The following PEAK1 variants were observed in gnomAD, a reference collection of about 807,000 sequenced individuals.
PEAK1 encodes inactive tyrosine-protein kinase PEAK1.
A neutral mutation model predicts 124.7 loss-of-function variants in PEAK1; 54 were observed. The observed-to-expected ratio is 0.43, with a 90% CI of 0.35 to 0.54. PEAK1 has a LOEUF of 0.54. Ranked by LOEUF, PEAK1 falls within the 20% of genes least tolerant of loss-of-function variation. The pLI, the probability that PEAK1 is intolerant of heterozygous loss-of-function variation, is 0.01. For missense variants in PEAK1, 2,046 were observed against 2,134.5 expected (o/e 0.96, Z 0.82); for synonymous variants, 719 against 760.0 (o/e 0.95, Z 0.89).
intron 6 of PEAK1, among the ~76,000 whole-genome samples, chr15:77,186,604 C>G (rs918117864): frequency 6.6e-6 from 1 of 151,798 alleles, no homozygotes; most frequent in African/African-American, 2.4e-5. Context: ...GCACATGTAC[C>G]CTAAAACTTA....
At chr15:77,300,954 T>C (rs998511139) in intron 2 of PEAK1, among the ~76,000 whole-genome samples, 4 of 152,070 alleles carry the variant, frequency 2.6e-5, no homozygotes, top group African/African-American at 9.7e-5. Context: ...CAGGTTCAAG[T>C]GATTCTCCTG....
At chr15:77,259,988 C>T (rs1018732343) in intron 5 of PEAK1, among the ~76,000 whole-genome samples, 3 of 152,146 alleles carry the variant, frequency 2.0e-5, no homozygotes, top group African/African-American at 7.2e-5. Flanking sequence ...AAAAACGTTA[C>T]ATTAAGAAGG....
At chr15:77,291,281 AT>A (rs1464124038) in intron 2 of PEAK1, among the ~76,000 whole-genome samples, 4 of 152,220 alleles carry the variant, frequency 2.6e-5, no homozygotes, top group Non-Finnish European at 4.4e-5. Flanking sequence ...ATGAACCAAC[AT>A]TTGTGAATGA....
intron 6 of PEAK1, among the ~76,000 whole-genome samples, chr15:77,210,031 C>G (rs2058832512): frequency 6.6e-6 from 1 of 152,158 alleles, no homozygotes. Flanking sequence ...TTACTTATGT[C>G]TTTGAACTTT....
chr15:77,403,164 G>GA, intron 1 of PEAK1: 1 of 985,292 alleles, frequency 1.0e-6, no homozygotes, highest in Non-Finnish European at 1.2e-6. Flanking sequence ...CTGCTACTTT[G>GA]CCTGTATCAT....
chr15:77,180,825 C>A lies in PEAK1; in HGVS notation c.1102G>T (p.Gly368Ter). ...SSLSQKICNG[G>*]LSPGNPGDSK... ...TCTCCTGGGTTACCAGGAGATAATC[C>A]CCCATTACAAATCTTCTGGGATAAA... The change falls in exon 7 of 10, where the codon GGA (glycine) becomes TGA (stop). Residue 368 changes from glycine to a stop codon, truncating the protein, a stop_gained. Transcript: ENST00000682557. LOFTEE classifies it high-confidence loss of function. 6.2e-7 allele frequency: 1 copy of A among 1,613,860 alleles called. No individual in the cohort carries two copies. Among genetic ancestry groups the A allele is most frequent in the Non-Finnish European group, 8.5e-7 (1 of 1,179,922 alleles).
At chr15:77,121,569 C>T (rs1379864699) in intron 9 of PEAK1, among the ~76,000 whole-genome samples, 1 of 152,178 alleles carries the variant, frequency 6.6e-6, no homozygotes, top group Non-Finnish European at 1.5e-5. Flanking sequence ...TGGGGGCTTG[C>T]TGATTTTGTA....
At chr15:77,271,963 A>G (rs2062059838) in intron 5 of PEAK1, among the ~76,000 whole-genome samples, 1 of 152,198 alleles carries the variant, frequency 6.6e-6, no homozygotes, top group Non-Finnish European at 1.5e-5. Context: ...TCCAAAAGGA[A>G]CCTTCAAAAC....
chr15:77,175,654 G>A (rs1278398083), intron 7 of PEAK1, among the ~76,000 whole-genome samples: 5 of 152,144 alleles, frequency 3.3e-5, no homozygotes, highest in African/African-American at 1.2e-4. Flanking sequence ...CACTGTTGGT[G>A]GGACTGTAAA....
rs773973989 is a variant in PEAK1, at chr15:77,181,430, C to T, written c.497G>A (p.Arg166Lys). ...IAGLDTAPQI[R>K]GNETNSRETF... ...TTCTCTGGAGTTTGTTTCATTTCCT[C>T]TTATCTGAGGGGCAGTATCCAAGCC... Residue 166 changes from arginine (R) to lysine (K), a missense_variant, in exon 7 of 10, where the codon AGA becomes AAA. Physicochemically the swap from Arg to Lys is conservative, Grantham distance 26. Coordinates refer to ENST00000682557, the MANE Select transcript of PEAK1 (RefSeq NM_001385026.1). 1 of 1,614,140 alleles carries T rather than the reference C, an allele frequency of 6.2e-7. No homozygotes were observed. The highest frequency in any genetic ancestry group is 8.5e-7 in the Non-Finnish European group (1 of 1,180,016).
intron 1 of PEAK1, among the ~76,000 whole-genome samples, chr15:77,396,488 T>TA (rs36009153): frequency 6.6e-6 from 1 of 151,498 alleles, no homozygotes; most frequent in Non-Finnish European, 1.5e-5. Context: ...AGAAAGGATT[T>TA]AAAAAAAACC....
At chr15:77,293,784 T>C (rs2063346891) in intron 2 of PEAK1, among the ~76,000 whole-genome samples, 1 of 152,174 alleles carries the variant, frequency 6.6e-6, no homozygotes, top group Admixed American at 6.6e-5. Context: ...TATAAGGAAG[T>C]AAAAAATATA....
chr15:77,179,925 T>C lies in PEAK1; in HGVS notation c.2002A>G (p.Ile668Val). The C allele has an allele frequency of 3.1e-6, 5 of 1,614,200 alleles. No homozygotes were observed. The highest frequency in any genetic ancestry group is 4.2e-6 in the Non-Finnish European group (5 of 1,180,012). Residue 668 changes from isoleucine (I) to valine (V), a missense_variant, in exon 7 of 10, where the codon ATA (isoleucine) becomes GTA (valine). By Grantham distance (29) the Ile-to-Val change is conservative. Coordinates refer to ENST00000682557, the MANE Select transcript of PEAK1 (RefSeq NM_001385026.1). Reference sequence around the variant, plus strand: ...TCAGGCACTTTGCTTTCTGTTTCTATTTCTTCATAAGTATGGCTTATTACA... The same window carrying C: ...TCAGGCACTTTGCTTTCTGTTTCTACTTCTTCATAAGTATGGCTTATTACA... Reference protein sequence around the residue: ...TSVISHTYEEIETESKVPDNT... With the variant: ...TSVISHTYEEVETESKVPDNT...
At chr15:77,121,114 T>C (rs923707453) in intron 9 of PEAK1, among the ~76,000 whole-genome samples, 8 of 152,160 alleles carry the variant, frequency 5.3e-5, no homozygotes, top group Non-Finnish European at 8.8e-5. Flanking sequence ...AGGGGGTACA[T>C]GTGCAGGTTT....
intron 6 of PEAK1, among the ~76,000 whole-genome samples, chr15:77,183,703 C>T (rs2057396827): frequency 6.6e-6 from 1 of 151,154 alleles, no homozygotes; most frequent in Admixed American, 6.6e-5. Flanking sequence ...TTATGTGAAA[C>T]ATTCATATCT....
At position 77,224,613 on chromosome 15, in the gene PEAK1, G is replaced by A. The variant is rs140658708; in HGVS notation, c.-115+27754C>T. Reference sequence around the variant, plus strand: ...AACTCCTATAGAGACACTTCCTACAGAGATAAGCCAATATTTCCTGTTGTG... The same window carrying A: ...AACTCCTATAGAGACACTTCCTACAAAGATAAGCCAATATTTCCTGTTGTG... On this transcript the variant is annotated intron_variant, in intron 6 of 9. Coordinates refer to ENST00000682557, the MANE Select transcript of PEAK1 (RefSeq NM_001385026.1). Among the ~76,000 whole-genome samples, 16 of 152,120 alleles carry A rather than the reference G, an allele frequency of 1.1e-4. No homozygotes were observed. The East Asian group carries it at 2.9e-3, about 27-fold the overall frequency.
At chr15:77,380,325 CA>C (rs1461069508) in intron 1 of PEAK1, among the ~76,000 whole-genome samples, 2 of 152,286 alleles carry the variant, frequency 1.3e-5, no homozygotes, top group South Asian at 2.1e-4. Flanking sequence ...ATCACCCTTT[CA>C]GCAAAAACAG....
chr15:77,274,305 C>T (rs2062193611), intron 5 of PEAK1, among the ~76,000 whole-genome samples: 1 of 152,018 alleles, frequency 6.6e-6, no homozygotes, highest in Non-Finnish European at 1.5e-5. Flanking sequence ...AGCTTCTGCA[C>T]AGCAAAAGAA....
intron 1 of PEAK1, among the ~76,000 whole-genome samples, chr15:77,391,221 A>G (rs538245602): frequency 2.3e-4 from 35 of 152,284 alleles, no homozygotes; most frequent in African/African-American, 8.2e-4. Context: ...CATAAAGAAT[A>G]GGAATACAAC....
Sources: gnomAD v4.1 joint callset for allele counts (sites outside exome capture counted in the v4.1 genomes callset) on GRCh38, gnomAD v4.1.1 for gene constraint, MANE v1.5 for transcripts, NCBI Gene and HGNC (gene_info 2026-07-23, HGNC 2026-07-21) for gene names.